The following LINGO2 variants were observed in gnomAD, a reference collection of about 807,000 sequenced individuals.
LINGO2 encodes the protein leucine-rich repeat and immunoglobulin-like domain-containing nogo receptor-interacting protein 2.
In LINGO2, 14 loss-of-function variants were observed where a neutral mutation model predicts 30.6. The ratio of observed to expected loss-of-function variants is 0.46; its 90% CI spans 0.30 to 0.72. The LOEUF (loss-of-function observed/expected upper bound fraction) is 0.72, where lower values mean the gene tolerates loss of function less well. LINGO2 is among the 30% of genes least tolerant of loss of function. LINGO2 has a pLI of 0.07. For synonymous variants in LINGO2, 317 were observed against 288.5 expected (o/e 1.10, Z -1.00); for missense variants, 729 against 751.7 (o/e 0.97, Z 0.35).
chr9:27,982,205 C>A (rs1405139665), intron 5 of LINGO2, among the ~76,000 whole-genome samples: 2 of 151,842 alleles, frequency 1.3e-5, no homozygotes, highest in Non-Finnish European at 2.9e-5. Context: ...CTCTGTTCCT[C>A]TTCTACACAT....
At chr9:28,326,876 T>TA (rs1183501971) in intron 3 of LINGO2, among the ~76,000 whole-genome samples, 3 of 152,100 alleles carry the variant, frequency 2.0e-5, no homozygotes, top group African/African-American at 7.2e-5. Flanking sequence ...GACACATAAA[T>TA]ACCATTACTG....
chr9:28,645,219 C>G (rs111700321), intron 1 of LINGO2, among the ~76,000 whole-genome samples: 13 of 152,168 alleles, frequency 8.5e-5, no homozygotes, highest in African/African-American at 3.1e-4. Context: ...AAAGGGGATT[C>G]AGTTATAGTC....
At chr9:28,798,355 C>G in the LINGO2 span, among the ~76,000 whole-genome samples, 1 of 151,924 alleles carries the variant, frequency 6.6e-6, no homozygotes, top group Non-Finnish European at 1.5e-5. Context: ...AGAGTGGGTT[C>G]TAGTGACACA....
intron 4 of LINGO2, among the ~76,000 whole-genome samples, chr9:28,150,395 C>A (rs971553383): frequency 6.6e-6 from 1 of 152,188 alleles, no homozygotes; most frequent in African/African-American, 2.4e-5. Flanking sequence ...ATCATTCTGG[C>A]CAACATGGTG....
chr9:28,020,516 G>A (rs926756030), intron 4 of LINGO2, among the ~76,000 whole-genome samples: 14 of 148,460 alleles, frequency 9.4e-5, no homozygotes, highest in African/African-American at 3.2e-4. Flanking sequence ...CCAACAGAGT[G>A]AGACTCTGTC....
chr9:28,470,682 T>C (rs1296623899), intron 2 of LINGO2, among the ~76,000 whole-genome samples: 1 of 152,092 alleles, frequency 6.6e-6, no homozygotes, highest in Non-Finnish European at 1.5e-5. Context: ...CATTCAGCTG[T>C]GATTCTACTG....
At chr9:28,015,515 A>G (rs1170126904) in intron 4 of LINGO2, among the ~76,000 whole-genome samples, 2 of 152,096 alleles carry the variant, frequency 1.3e-5, no homozygotes, top group Admixed American at 6.6e-5. Context: ...TCTTCCTTCT[A>G]TGTTTAAATT....
chr9:28,632,679 T>C (rs911527293), intron 1 of LINGO2, among the ~76,000 whole-genome samples: 9 of 121,602 alleles, frequency 7.4e-5, no homozygotes, highest in South Asian at 7.4e-4. Context: ...AATATCTATA[T>C]AAAAATATAT....
the LINGO2 span, among the ~76,000 whole-genome samples, chr9:28,848,079 TAC>T: frequency 3.6e-4 from 20 of 55,568 alleles, 3 homozygotes; most frequent in African/African-American, 4.4e-4. Context: ...AATATATATA[TAC>T]ACACTATATA....
At chr9:28,282,601 G>C (rs946202464) in intron 4 of LINGO2, among the ~76,000 whole-genome samples, 1 of 152,096 alleles carries the variant, frequency 6.6e-6, no homozygotes, top group African/African-American at 2.4e-5. Context: ...AGTTATCTTA[G>C]ACCCTGTACT....
chr9:28,461,578 T>C (rs1825084128), intron 2 of LINGO2, among the ~76,000 whole-genome samples: 1 of 152,180 alleles, frequency 6.6e-6, no homozygotes, highest in Non-Finnish European at 1.5e-5. Flanking sequence ...TAACAAATAT[T>C]GAGAATTGAT....
the LINGO2 span, among the ~76,000 whole-genome samples, chr9:29,133,699 C>T: frequency 4.6e-5 from 7 of 152,178 alleles, no homozygotes; most frequent in Admixed American, 2.6e-4. Flanking sequence ...TCAGAAATAG[C>T]TCCACATTAA....
In LINGO2 at chr9:28,143,874, CAA is replaced by C. The variant is rs1488272165; in HGVS notation, c.-86-131471_-86-131470del. Among the ~76,000 whole-genome samples, 15 of 150,654 alleles carry C rather than the reference CAA, an allele frequency of 1.0e-4. No homozygotes were observed. The South Asian group carries it at 1.5e-3, about 15-fold the overall frequency. ...AATCCAGAGAAAAAATTCAGTGAAA[CAA>C]GAGGTAATTATTAGATCTTTTTGGT... On this transcript the variant is annotated intron_variant, in intron 4 of 5. Coordinates refer to ENST00000379992, the Ensembl canonical transcript of LINGO2.
intron 4 of LINGO2, among the ~76,000 whole-genome samples, chr9:28,277,850 C>CAAAAAAAAAAAAAAAAACA (rs35288673): frequency 8.8e-5 from 12 of 135,954 alleles, no homozygotes; most frequent in African/African-American, 2.9e-4. Context: ...AAAAAAAAAA[C>CAAAAAAAAAAAAAAAAACA]AAAAAAAAAA....
chr9:28,504,856 T>C (rs1301833685), intron 1 of LINGO2, among the ~76,000 whole-genome samples: 2 of 151,748 alleles, frequency 1.3e-5, no homozygotes, highest in Admixed American at 1.3e-4. Context: ...ATAAGTGTAT[T>C]TGGAGTTAGA....
chr9:29,009,413 G>A, the LINGO2 span, among the ~76,000 whole-genome samples: 2 of 152,092 alleles, frequency 1.3e-5, no homozygotes, highest in African/African-American at 2.4e-5. Context: ...CAAATCATGA[G>A]TGAACTCCCA....
chr9:28,290,592 C>G (rs999923050), intron 4 of LINGO2, among the ~76,000 whole-genome samples: 2 of 151,162 alleles, frequency 1.3e-5, no homozygotes, highest in African/African-American at 4.9e-5. Context: ...AATCCATCTC[C>G]CTGATTGACT....
intron 4 of LINGO2, among the ~76,000 whole-genome samples, chr9:28,033,402 G>C (rs182021255): frequency 2.0e-5 from 3 of 152,246 alleles, no homozygotes; most frequent in Non-Finnish European, 4.4e-5. Flanking sequence ...AGTCATCAAA[G>C]GTTCTTGCCC....
chr9:29,185,112 G>A, the LINGO2 span, among the ~76,000 whole-genome samples: 1 of 152,048 alleles, frequency 6.6e-6, no homozygotes, highest in Non-Finnish European at 1.5e-5. Context: ...TTACAGACTG[G>A]TAAGGGCCTG....
Sources: allele counts gnomAD v4.1 joint callset (sites outside exome capture counted in the v4.1 genomes callset), GRCh38; gene constraint gnomAD v4.1.1; transcripts MANE v1.5; gene names NCBI Gene and HGNC (gene_info 2026-07-23, HGNC 2026-07-21).